The following SLC2A5 variants were observed in gnomAD, a reference collection of about 807,000 sequenced individuals.
SLC2A5 encodes the protein solute carrier family 2, facilitated glucose transporter member 5.
In SLC2A5, 56 loss-of-function variants were observed where a neutral mutation model predicts 50.3. That is an observed-to-expected ratio of 1.11 (90% CI 0.90 to 1.39). The LOEUF (loss-of-function observed/expected upper bound fraction) is 1.39, where lower values mean the gene tolerates loss of function less well. Ranked by LOEUF, SLC2A5 falls within the 40% of genes most tolerant of loss-of-function variation. The pLI is 0.00. For missense variants in SLC2A5, 566 were observed against 650.1 expected (o/e 0.87, Z 1.41); for synonymous variants, 269 against 281.9 (o/e 0.95, Z 0.46).
chr1:9,062,733 G>A lies in SLC2A5; in HGVS notation c.34-4483C>T, dbSNP rs540270493. Among the ~76,000 whole-genome samples the A allele has an allele frequency of 1.4e-3, 209 of 152,242 alleles. 2 individuals are homozygous for A. Among genetic ancestry groups the A allele is most frequent in the African/African-American group, 4.8e-3 (199 of 41,542 alleles). On this transcript the variant is annotated intron_variant, in intron 1 of 11. Coordinates refer to ENST00000377424, the MANE Select transcript of SLC2A5 (RefSeq NM_003039.3). ...CTAAAAATACAAAAATAAGCCAGGC[G>A]TGGTGGCATATGCCTGTAGTCCCAG... is the stretch of plus-strand genomic sequence containing the variant.
At chr1:9,072,918 C>A (rs1642240302), upstream of SLC2A5, among the ~76,000 whole-genome samples, 1 of 151,212 alleles carries the variant, frequency 6.6e-6, no homozygotes, top group Admixed American at 6.6e-5. Flanking sequence ...GCTGAGATCG[C>A]ACTACTACAC....
rs1569923820 is a variant in SLC2A5 at position 9,081,288 on chromosome 1, A to AAC, written c.-59+3725_-59+3726insGT. Among the ~76,000 whole-genome samples the AAC allele has an allele frequency of 3.3e-5, 5 of 149,854 alleles. 1 individual carries two copies. Among genetic ancestry groups the AAC allele is most frequent in the South Asian group, 4.2e-4 (2 of 4,806 alleles). On this transcript the variant is annotated intron_variant, in intron 2 of 5. Transcript: ENST00000464985. ...AAAAAAAAAAAAAAAAACCCCAAAA[A>AAC]AAAAAAACACGACCAAAACAAAACC...
At position 9,043,927 on chromosome 1, in the gene SLC2A5, G is replaced by A. The variant is rs1255464668; in HGVS notation, c.419-1990C>T. Among the ~76,000 whole-genome samples the A allele has an allele frequency of 4.1e-5, 6 of 147,928 alleles. No individual in the cohort carries two copies. The East Asian group carries it at 1.3e-3, about 33-fold the overall frequency. ...AGTAGAGACGGGGTTTCACCATGTT[G>A]GCAAGGCTGGTCCTGAACTCCCGAC... On this transcript the variant is annotated intron_variant, in intron 4 of 11. Coordinates refer to ENST00000377424, the MANE Select transcript of SLC2A5 (RefSeq NM_003039.3).
intron 1 of SLC2A5, chr1:9,085,253 G>A (rs1345505698): frequency 6.6e-6 from 1 of 152,242 alleles, no homozygotes; most frequent in Non-Finnish European, 1.5e-5. Flanking sequence ...CTGAGAACAT[G>A]TGCCCAAGGG....
At position 9,041,870 on chromosome 1, in the gene SLC2A5, G is replaced by A. The variant is rs774490638; in HGVS notation, c.486C>T (p.Leu162=). 115 of 1,613,894 alleles carry A rather than the reference G, an allele frequency of 7.1e-5. No homozygotes were observed. Among genetic ancestry groups the A allele is most frequent in the Non-Finnish European group, 9.2e-5 (108 of 1,180,010 alleles). Residue 162 remains leucine, a synonymous_variant, in exon 5 of 12, where the codon CTC becomes CTT. Transcript: ENST00000377424. ...ELAPKNLRGA[L]GVVPQLFITV... is the part of the protein sequence containing the mutation. ...TGATGAAGAGCTGGGGCACCACCCCGAGAGCCCCCCGCAGGTTTTTAGGGG... is the reference window on the plus strand; with the variant it reads ...TGATGAAGAGCTGGGGCACCACCCCAAGAGCCCCCCGCAGGTTTTTAGGGG...
intron 1 of SLC2A5, among the ~76,000 whole-genome samples, chr1:9,066,813 T>C (rs1396903413): frequency 6.6e-6 from 1 of 151,378 alleles, no homozygotes; most frequent in African/African-American, 2.4e-5. Context: ...CCCCGTCTCT[T>C]CAAAATATTT....
intron 9 of SLC2A5, 106 bp from the exon 10 acceptor site, chr1:9,038,612 C>T (rs960823649): frequency 8.0e-7 from 1 of 1,248,582 alleles, no homozygotes; most frequent in Non-Finnish European, 1.1e-6. Context: ...CTGGCTCCTC[C>T]CCCAGCAGTG....
chr1:9,048,363 G>C (rs1193071980), intron 3 of SLC2A5, among the ~76,000 whole-genome samples: 1 of 151,970 alleles, frequency 6.6e-6, no homozygotes, highest in Non-Finnish European at 1.5e-5. Context: ...ACAAAAACTA[G>C]CAGGGCCCAC....
intron 1 of SLC2A5, among the ~76,000 whole-genome samples, chr1:9,058,828 CAA>C (rs1455597674): frequency 6.6e-6 from 1 of 152,234 alleles, no homozygotes; most frequent in East Asian, 1.9e-4. Context: ...TCTTTAATGA[CAA>C]GAGGAAATTC....
chr1:9,060,772 C>A (rs189422005), intron 1 of SLC2A5, among the ~76,000 whole-genome samples: 13 of 151,770 alleles, frequency 8.6e-5, no homozygotes, highest in African/African-American at 3.1e-4. Context: ...CCATCTGATT[C>A]GCTCTGTGTA....
intron 2 of SLC2A5, among the ~76,000 whole-genome samples, chr1:9,078,886 G>A (rs1356871979): frequency 1.3e-5 from 2 of 152,146 alleles, no homozygotes; most frequent in Non-Finnish European, 2.9e-5. Flanking sequence ...ATTTAGATAA[G>A]GAAGGAATCA....
At chr1:9,059,067 G>C (rs1268455463) in intron 1 of SLC2A5, among the ~76,000 whole-genome samples, 1 of 151,770 alleles carries the variant, frequency 6.6e-6, no homozygotes, top group Non-Finnish European at 1.5e-5. Flanking sequence ...GAGAGCTTGG[G>C]ACGCTGCTCT....
upstream of SLC2A5, among the ~76,000 whole-genome samples, chr1:9,091,924 C>G (rs1377009679): frequency 6.6e-6 from 1 of 152,110 alleles, no homozygotes; most frequent in Non-Finnish European, 1.5e-5. Flanking sequence ...CTAGCTCTAG[C>G]AAAAACACAC....
chr1:9,055,241 G>C (rs534506201), intron 3 of SLC2A5, among the ~76,000 whole-genome samples: 13 of 152,186 alleles, frequency 8.5e-5, no homozygotes, highest in Non-Finnish European at 1.0e-4. Flanking sequence ...GGATTAGCCG[G>C]GTGCGGTGGC....
At chr1:9,056,215 C>T (rs1006257711) in intron 3 of SLC2A5, among the ~76,000 whole-genome samples, 2 of 152,088 alleles carry the variant, frequency 1.3e-5, no homozygotes, top group African/African-American at 4.8e-5. Context: ...GACGGAGTTT[C>T]GCTCTTGTTG....
At position 9,039,626 on chromosome 1, in the gene SLC2A5, CG is replaced by C; in HGVS notation, c.921del (p.Gly308AlafsTer10). On this transcript the variant is annotated frameshift_variant, in exon 8 of 12. Coordinates refer to ENST00000377424, the MANE Select transcript of SLC2A5 (RefSeq NM_003039.3). LOFTEE classifies it high-confidence loss of function. ...YYYADQIYLSAGVPEEHVQYV... is the reference protein window; with the variant it reads ...YYYADQIYLSXGVPEEHVQYV... Reference sequence around the variant, plus strand: ...TACTGCACGTGCTCCTCCGGCACGCCGGCGCTCAGGTAGATCTGGTCCGCGT... The same window carrying C: ...TACTGCACGTGCTCCTCCGGCACGCCGCGCTCAGGTAGATCTGGTCCGCGT... 6.4e-7 allele frequency: 1 copy of C among 1,564,608 alleles called. No homozygotes were observed. Among genetic ancestry groups the C allele is most frequent in the Non-Finnish European group, 8.7e-7 (1 of 1,155,498 alleles).
At position 9,046,429 on chromosome 1, in the gene SLC2A5, C is replaced by T. The variant is rs1227911865; in HGVS notation, c.418+1181G>A. 2.6e-5 allele frequency among the ~76,000 whole-genome samples: 4 copies of T among 152,248 alleles called. No homozygotes were observed. In the East Asian group the frequency reaches 7.7e-4, roughly 29 times the overall value. ...AGTGGGATTAGGAAAAAACACCTCC[C>T]AGTTTGTTAGATGAGAGGACTCAGC... On this transcript the variant is annotated intron_variant, in intron 4 of 11. Transcript: ENST00000377424.
intron 8 of SLC2A5, 100 bp downstream of exon 8, chr1:9,039,452 G>C (rs1188552819): frequency 1.2e-6 from 1 of 826,882 alleles, no homozygotes. Context: ...GGTCCTCCAC[G>C]TTTTGGGGCC....
chr1:9,079,424 C>T (rs1305076442), intron 2 of SLC2A5, among the ~76,000 whole-genome samples: 2 of 152,154 alleles, frequency 1.3e-5, no homozygotes, highest in African/African-American at 4.8e-5. Flanking sequence ...CTCTTCAGGA[C>T]CCAAGGGGCT....
Sources: allele counts gnomAD v4.1 joint callset (sites outside exome capture counted in the v4.1 genomes callset), GRCh38; gene constraint gnomAD v4.1.1; transcripts MANE v1.5; gene names NCBI Gene and HGNC (gene_info 2026-07-23, HGNC 2026-07-21).